The following PRDM16 variants were observed in gnomAD, a reference collection of about 807,000 sequenced individuals.
The protein encoded by PRDM16 is histone-lysine N-methyltransferase PRDM16.
In PRDM16, 23 loss-of-function variants were observed where a neutral mutation model predicts 110.6. The ratio of observed to expected loss-of-function variants is 0.21; its 90% CI spans 0.15 to 0.29. The LOEUF (loss-of-function observed/expected upper bound fraction) is 0.29, where lower values mean the gene tolerates loss of function less well. Ranked by LOEUF, PRDM16 falls within the 10% of genes least tolerant of loss-of-function variation. The pLI, the probability that PRDM16 is intolerant of heterozygous loss-of-function variation, is 1.00. For synonymous variants in PRDM16, 799 were observed against 781.8 expected (o/e 1.02, Z -0.37); for missense variants, 1,615 against 1,794.3 (o/e 0.90, Z 1.81).
At chr1:3,352,539 C>T (rs1300135053) in intron 3 of PRDM16, among the ~76,000 whole-genome samples, 1 of 152,230 alleles carries the variant, frequency 6.6e-6, no homozygotes, top group East Asian at 1.9e-4. Flanking sequence ...CTCCACGGGC[C>T]CAGCCTCTGT....
chr1:3,110,940 G>A (rs766147710), intron 1 of PRDM16, among the ~76,000 whole-genome samples: 1 of 152,198 alleles, frequency 6.6e-6, no homozygotes, highest in Admixed American at 6.5e-5. Flanking sequence ...TAAATCGAAG[G>A]AGGCCAGAGA....
At chr1:3,135,951 G>A (rs1379077952) in intron 1 of PRDM16, among the ~76,000 whole-genome samples, 3 of 151,988 alleles carry the variant, frequency 2.0e-5, no homozygotes, top group Admixed American at 1.3e-4. Context: ...CTGGGCGCCC[G>A]GCTGGGGAGA....
chr1:3,294,747 G>C (rs1239222182), intron 3 of PRDM16, among the ~76,000 whole-genome samples: 1 of 152,186 alleles, frequency 6.6e-6, no homozygotes, highest in African/African-American at 2.4e-5. Flanking sequence ...AAAAGCCCAC[G>C]AGAGACTCAG....
intron 1 of PRDM16, among the ~76,000 whole-genome samples, chr1:3,131,963 C>T (rs1643344200): frequency 6.6e-6 from 1 of 152,148 alleles, no homozygotes. Flanking sequence ...TAAACAATGA[C>T]AATTTTTTTT....
rs1557516941 is a variant in PRDM16, at chr1:3,190,175, C to CTTACTTCAAGGTCGTGGGGCAGCG, written c.387+3725_387+3748dup. ...TTTGGGTTCAAGGTCGTGGGGCAGCCTTACTTCAAGGTCGTGGGGCAGCGT... is the reference window on the plus strand; with the variant it reads ...TTTGGGTTCAAGGTCGTGGGGCAGCCTTACTTCAAGGTCGTGGGGCAGCGTTACTTCAAGGTCGTGGGGCAGCGT... On this transcript the variant is annotated intron_variant, in intron 2 of 16. Transcript: ENST00000270722. This position sits in a 1 kb window ranked among gnomAD's most constrained non-coding sequence, Gnocchi z 5.0. Among the ~76,000 whole-genome samples the CTTACTTCAAGGTCGTGGGGCAGCG allele has an allele frequency of 3.3e-4, 50 of 151,122 alleles. No individual in the cohort carries two copies. The highest frequency in any genetic ancestry group is 1.2e-3 in the African/African-American group (49 of 40,814).
intron 3 of PRDM16, among the ~76,000 whole-genome samples, chr1:3,299,693 ACT>A (rs1641168910): frequency 1.3e-5 from 1 of 79,262 alleles, no homozygotes; most frequent in Non-Finnish European, 2.6e-5. Flanking sequence ...AGTCGTGGTG[ACT>A]CTGCCCTTGT....
intron 4 of PRDM16, among the ~76,000 whole-genome samples, chr1:3,388,520 A>G (rs1299874653): frequency 6.6e-6 from 1 of 152,206 alleles, no homozygotes; most frequent in Non-Finnish European, 1.5e-5. Flanking sequence ...TTTCAAAGGA[A>G]AAAGGAGACT....
At chr1:3,263,475 C>A (rs1174791305) in intron 3 of PRDM16, among the ~76,000 whole-genome samples, 1 of 152,220 alleles carries the variant, frequency 6.6e-6, no homozygotes, top group Non-Finnish European at 1.5e-5. Flanking sequence ...GGGCATCTGT[C>A]CTGGTGGCCA....
chr1:3,286,363 G>T (rs59469915), intron 3 of PRDM16, among the ~76,000 whole-genome samples: 1 of 152,174 alleles, frequency 6.6e-6, no homozygotes, highest in Admixed American at 6.5e-5. Flanking sequence ...CCGAAGGGCC[G>T]CCCCCTGCCT....
Position 3,426,178 on chromosome 1 carries a change from T to G in PRDM16, c.3237T>G (p.Phe1079Leu). 6.2e-7 allele frequency: 1 copy of G among 1,613,822 alleles called. No individual in the cohort carries two copies. Among genetic ancestry groups the G allele is most frequent in the South Asian group, 1.1e-5 (1 of 91,064 alleles). ...EDSYFSEIRNFIANSEMNQAS... is the reference protein window; with the variant it reads ...EDSYFSEIRNLIANSEMNQAS... The stretch of plus-strand genomic sequence containing the variant: ...CTTATTTCTCGGAAATCAGAAACTT[T>G]ATTGCCAATAGTGAGATGAACCAAG... The change falls in exon 14 of 17, where the codon TTT becomes TTG. Residue 1079 changes from phenylalanine (F) to leucine (L), a missense_variant. This residue lies in a region of PRDM16 where 327 missense variants were observed against 359.3 expected (regional missense o/e 0.91). Coordinates refer to ENST00000270722, the MANE Select transcript of PRDM16 (RefSeq NM_022114.4).
At chr1:3,287,267 G>GTGCCC (rs1439596472) in intron 3 of PRDM16, among the ~76,000 whole-genome samples, 6 of 92,728 alleles carry the variant, frequency 6.5e-5, no homozygotes, top group African/African-American at 2.9e-4. Context: ...GGGGCTGGAG[G>GTGCCC]CGCCCCGCCA....
At chr1:3,253,222 T>TATA (rs1639975368) in intron 3 of PRDM16, among the ~76,000 whole-genome samples, 1 of 152,014 alleles carries the variant, frequency 6.6e-6, no homozygotes, top group East Asian at 1.9e-4. Flanking sequence ...TTATTATTAT[T>TATA]ATACTTTAAG....
intron 4 of PRDM16, among the ~76,000 whole-genome samples, chr1:3,391,081 C>T (rs899944505): frequency 5.3e-5 from 8 of 152,138 alleles, no homozygotes; most frequent in Non-Finnish European, 1.2e-4. Context: ...GGTGATCTGC[C>T]CGCCTCGGCC....
chr1:3,126,770 G>A (rs997533764), intron 1 of PRDM16, among the ~76,000 whole-genome samples: 1 of 152,206 alleles, frequency 6.6e-6, no homozygotes, highest in Non-Finnish European at 1.5e-5. Context: ...GGTGCCCATC[G>A]CCAGTGATGG....
At chr1:3,091,844 A>AT (rs1310526037) in intron 1 of PRDM16, among the ~76,000 whole-genome samples, 1 of 152,174 alleles carries the variant, frequency 6.6e-6, no homozygotes, top group Non-Finnish European at 1.5e-5. Flanking sequence ...CCTGGAGAGA[A>AT]AGGGCCTGTC....
In PRDM16 at chr1:3,208,771, C is replaced by T. The variant is rs1385534231; in HGVS notation, c.387+22297C>T. 6.6e-6 allele frequency: 1 copy of T among 152,258 alleles called. No homozygotes were observed. Among genetic ancestry groups the T allele is most frequent in the Non-Finnish European group, 1.5e-5 (1 of 68,088 alleles). The allele number at this position is 152,258 out of a possible 1,614,324, so 9.4% of individuals were successfully genotyped here. ...GTTGCTGTAATGGAGAGCCACTGGT[C>T]AAAGGTATGGGCCACCATCCCCTTT... On this transcript the variant is annotated intron_variant, in intron 2 of 16. Coordinates refer to ENST00000270722, the MANE Select transcript of PRDM16 (RefSeq NM_022114.4). This position sits in a 1 kb window ranked among gnomAD's most constrained non-coding sequence, Gnocchi z 6.1.
chr1:3,181,163 C>T (rs536580751), intron 1 of PRDM16, among the ~76,000 whole-genome samples: 15 of 65,608 alleles, frequency 2.3e-4, no homozygotes, highest in South Asian at 4.8e-4. Flanking sequence ...GTCTTACACG[C>T]GGTCTTACGG....
Position 3,412,297 on chromosome 1 carries a change from C to T in PRDM16, c.2100C>T (p.Ala700=), listed in dbSNP as rs565237990. ...GDSIKAIASI[A]EKYFGPGFMG... is the part of the protein sequence containing the mutation. The stretch of plus-strand genomic sequence containing the variant: ...CCATCAAGGCCATCGCATCCATTGC[C>T]GAGAAGTACTTTGGCCCCGGCTTCA... The change falls in exon 9 of 17, where the codon GCC becomes GCT. Residue 700 remains alanine (A), a synonymous_variant. Transcript: ENST00000270722. 5.3e-5 allele frequency: 85 copies of T among 1,613,744 alleles called. No homozygotes were observed. In the East Asian group the frequency reaches 5.6e-4, roughly 11 times the overall value.
rs1038198761 is a variant in PRDM16, at chr1:3,412,536, A to G, written c.2339A>G (p.Lys780Arg). The change falls in exon 9 of 17, where the codon AAA (lysine) becomes AGA (arginine). Residue 780 changes from lysine to arginine, a missense_variant. Physicochemically the swap from Lys to Arg is conservative, Grantham distance 26. This residue lies in a region of PRDM16 where 772 missense variants were observed against 748.3 expected (regional missense o/e 1.03). Coordinates refer to ENST00000270722, the MANE Select transcript of PRDM16 (RefSeq NM_022114.4). ...ECPFDLTTKPKDVKPILPMPK... is the reference protein window; with the variant it reads ...ECPFDLTTKPRDVKPILPMPK... ...CCCTTTGATCTCACCACCAAGCCCA[A>G]AGACGTGAAGCCCATCCTGCCCATG... The G allele has an allele frequency of 6.2e-7, 1 of 1,612,582 alleles. No individual in the cohort carries two copies. Among genetic ancestry groups the G allele is most frequent in the Non-Finnish European group, 8.5e-7 (1 of 1,179,974 alleles).
Sources: gnomAD v4.1 joint callset for allele counts (sites outside exome capture counted in the v4.1 genomes callset) on GRCh38, gnomAD v4.1.1 for gene constraint, gnomAD v4.1.1 regional missense constraint, Gnocchi (gnomAD v3.1) non-coding constraint, MANE v1.5 for transcripts, NCBI Gene and HGNC (gene_info 2026-07-23, HGNC 2026-07-21) for gene names.